The following ERICH1 variants were observed in gnomAD, a reference collection of about 807,000 sequenced individuals.
The protein encoded by ERICH1 is glutamate-rich protein 1.
In ERICH1, 56 loss-of-function variants were observed where a neutral mutation model predicts 39.6. That is an observed-to-expected ratio of 1.41 (90% CI 1.14 to 1.77). ERICH1 has a LOEUF of 1.77. Ranked by LOEUF, ERICH1 falls within the 40% of genes most tolerant of loss-of-function variation. The pLI, the probability that ERICH1 is intolerant of heterozygous loss-of-function variation, is 0.00. For synonymous variants in ERICH1, 313 were observed against 223.6 expected (o/e 1.40, Z -3.57); for missense variants, 826 against 575.4 (o/e 1.44, Z -4.45).
intron 2 of ERICH1, among the ~76,000 whole-genome samples, chr8:703,869 C>A (rs147667748): frequency 1.3e-5 from 2 of 152,122 alleles, no homozygotes; most frequent in African/African-American, 2.4e-5. Context: ...GAGGAGGAAA[C>A]GATCAAGGAA....
At chr8:634,541 G>A (rs1487341556) in intron 3 of ERICH1, among the ~76,000 whole-genome samples, 2 of 152,170 alleles carry the variant, frequency 1.3e-5, no homozygotes, top group Admixed American at 6.5e-5. Flanking sequence ...CCCGTCGGGC[G>A]GGCACCTTCA....
chr8:678,631 A>T (rs1345855709), intron 3 of ERICH1, among the ~76,000 whole-genome samples: 1 of 152,142 alleles, frequency 6.6e-6, no homozygotes. Flanking sequence ...AACACGGTGA[A>T]ACCCAGTCTC....
At chr8:692,051 G>A (rs1037838378) in intron 3 of ERICH1, among the ~76,000 whole-genome samples, 4 of 152,134 alleles carry the variant, frequency 2.6e-5, no homozygotes, top group African/African-American at 4.8e-5. Context: ...AAAGACATTC[G>A]AAATAAGGTA....
chr8:728,324 G>C (rs138934677), intron 1 of ERICH1, among the ~76,000 whole-genome samples: 149 of 152,312 alleles, frequency 9.8e-4, no homozygotes, highest in African/African-American at 3.4e-3. Context: ...GAGATGTCCT[G>C]ACAGGCACTG....
downstream of ERICH1, among the ~76,000 whole-genome samples, chr8:661,649 G>T (rs575341199): frequency 1.3e-5 from 2 of 152,302 alleles, no homozygotes; most frequent in African/African-American, 4.8e-5. Flanking sequence ...GGAATAAACA[G>T]ATTATCATAT....
chr8:626,972 G>A, intron 3 of ERICH1: 1 of 385,340 alleles, frequency 2.6e-6, no homozygotes, highest in Non-Finnish European at 5.4e-6. Context: ...GTGCCGTGGA[G>A]GAGGAAAGCA....
rs902053698 is a variant in ERICH1, at chr8:719,144, G to A, written c.23-3137C>T. ...CCCGACCCTCGGGGCTTTGCCACACGAAAGCCCCAGGCCTGGCGAGGCTCA... is the reference window on the plus strand; with the variant it reads ...CCCGACCCTCGGGGCTTTGCCACACAAAAGCCCCAGGCCTGGCGAGGCTCA... On this transcript the variant is annotated intron_variant, in intron 1 of 5. Coordinates refer to ENST00000262109, the MANE Select transcript of ERICH1 (RefSeq NM_207332.3). 1.1e-4 allele frequency among the ~76,000 whole-genome samples: 16 copies of A among 152,106 alleles called. 1 individual carries two copies. Among genetic ancestry groups the A allele is most frequent in the African/African-American group, 3.6e-4 (15 of 41,426 alleles).
At chr8:731,080 C>A in intron 1 of ERICH1, 60 bp downstream of exon 1, 3 of 1,396,878 alleles carry the variant, frequency 2.1e-6, no homozygotes, top group Non-Finnish European at 9.3e-7. Context: ...GTCAACACCG[C>A]GGTCTGAGCC....
chr8:635,364 G>C (rs1157996205), intron 3 of ERICH1, among the ~76,000 whole-genome samples: 1 of 152,202 alleles, frequency 6.6e-6, no homozygotes, highest in Non-Finnish European at 1.5e-5. Flanking sequence ...CCGGGCCGTT[G>C]GGACCAGCCT....
chr8:683,670 G>C (rs1453066281), intron 3 of ERICH1, among the ~76,000 whole-genome samples: 5 of 152,130 alleles, frequency 3.3e-5, no homozygotes, highest in Non-Finnish European at 4.4e-5. Context: ...GACCATACGG[G>C]ACCTCAACGT....
At chr8:669,030 C>G (rs960262245) in intron 4 of ERICH1, 1 of 539,496 alleles carries the variant, frequency 1.9e-6, no homozygotes, top group Non-Finnish European at 3.3e-6. Context: ...GACGCCTCCC[C>G]TGGCCCATCT....
chr8:656,472 T>C (rs943850383), intron 3 of ERICH1, among the ~76,000 whole-genome samples: 2 of 152,252 alleles, frequency 1.3e-5, no homozygotes, highest in African/African-American at 4.8e-5. Context: ...CCCCACTTTT[T>C]TGTGAGAAGT....
At chr8:614,777 CTTG>C (rs1421191651) in exon 4 of ERICH1, 2 of 158,350 alleles carry the variant, frequency 1.3e-5, no homozygotes, top group Non-Finnish European at 2.8e-5. Flanking sequence ...TCAACATACA[CTTG>C]TTGATGCCCG....
rs187166626 is a variant in ERICH1 at position 628,236 on chromosome 8, G to A, written c.977-12952C>T. Among the ~76,000 whole-genome samples the A allele has an allele frequency of 3.9e-3, 591 of 152,310 alleles. 4 individuals carry two copies. The highest frequency in any genetic ancestry group is 0.013 in the African/African-American group (554 of 41,576). On this transcript the variant is annotated intron_variant, in intron 3 of 3. Coordinates refer to the ERICH1 transcript ENST00000522706. ...ATCTGCAGGCTAGCCAGGGCCCCAG[G>A]CAGGCAGAGCAGGGTGGAACCCTGG...
chr8:723,130 C>T (rs1235200086), intron 1 of ERICH1, among the ~76,000 whole-genome samples: 1 of 152,198 alleles, frequency 6.6e-6, no homozygotes, highest in African/African-American at 2.4e-5. Flanking sequence ...CCGGGACCTC[C>T]ACCTTCTCCC....
chr8:633,397 T>C (rs959140623), intron 3 of ERICH1, among the ~76,000 whole-genome samples: 1 of 152,200 alleles, frequency 6.6e-6, no homozygotes, highest in Non-Finnish European at 1.5e-5. Flanking sequence ...CACAACAGCA[T>C]GGGTAAATCT....
Position 668,598 on chromosome 8 carries a change from C to T in ERICH1, c.1258G>A (p.Asp420Asn). 6.2e-7 allele frequency: 1 copy of T among 1,614,158 alleles called. No individual in the cohort carries two copies. The highest frequency in any genetic ancestry group is 8.5e-7 in the Non-Finnish European group (1 of 1,180,014). Residue 420 changes from aspartate (D) to asparagine (N), a missense_variant and splice_region_variant, in exon 5 of 6, where the codon GAC becomes AAC. Coordinates refer to ENST00000262109, the MANE Select transcript of ERICH1 (RefSeq NM_207332.3). ...MFPEHCTMPP[D>N]HARVISAFFS... ...CTTGAATAAATCGTACGGTACTTAC[C>T]AGGAGGCATCGTGCAATGTTCTGGG...
chr8:727,034 A>G (rs1818924909), intron 1 of ERICH1, among the ~76,000 whole-genome samples: 1 of 151,420 alleles, frequency 6.6e-6, no homozygotes, highest in Admixed American at 6.6e-5. Context: ...ACACACATAC[A>G]CCACTCAGGC....
At chr8:668,544 A>C in intron 5 of ERICH1, 54 bp downstream of exon 5, 1 of 1,605,458 alleles carries the variant, frequency 6.2e-7, no homozygotes. Flanking sequence ...TTCAGAGGCA[A>C]ACCTCGATGA....
Sources: gnomAD v4.1 joint callset for allele counts (sites outside exome capture counted in the v4.1 genomes callset) on GRCh38, gnomAD v4.1.1 for gene constraint, MANE v1.5 for transcripts, NCBI Gene and HGNC (gene_info 2026-07-23, HGNC 2026-07-21) for gene names.